Variants in ADAMTS6 observed in about 807,000 individuals in gnomAD.
ADAMTS6 encodes the protein ADAM metallopeptidase with thrombospondin type 1 motif 6, also known as A disintegrin and metalloproteinase with thrombospondin motifs 6.
In ADAMTS6, 23 loss-of-function variants were observed where a neutral mutation model predicts 144.3. The ratio of observed to expected loss-of-function variants is 0.16; its 90% CI spans 0.11 to 0.23. ADAMTS6 has a LOEUF of 0.23. Ranked by LOEUF, ADAMTS6 falls within the 10% of genes least tolerant of loss-of-function variation. ADAMTS6 has a pLI of 1.00. For synonymous variants in ADAMTS6, 444 were observed against 457.5 expected (o/e 0.97, Z 0.38); for missense variants, 999 against 1,379.6 (o/e 0.72, Z 4.37).
intron 4 of ADAMTS6, among the ~76,000 whole-genome samples, chr5:65,457,340 T>A (rs1412622962): frequency 2.0e-5 from 3 of 152,196 alleles, no homozygotes; most frequent in Non-Finnish European, 4.4e-5. Flanking sequence ...TTTGGGGTAG[T>A]AGAAATGGCA....
intron 7 of ADAMTS6, among the ~76,000 whole-genome samples, chr5:65,442,719 G>C (rs1757959027): frequency 1.3e-5 from 2 of 152,048 alleles, no homozygotes; most frequent in Admixed American, 1.3e-4. Context: ...GGATGTGCAG[G>C]TTTGTTACAT....
At chr5:65,212,415 TTCTC>T (rs1232563178) in intron 20 of ADAMTS6, among the ~76,000 whole-genome samples, 5 of 142,194 alleles carry the variant, frequency 3.5e-5, no homozygotes, top group African/African-American at 1.0e-4. Context: ...CCAGAGGCTT[TTCTC>T]TCTCTTTTTT....
intron 1 of ADAMTS6, among the ~76,000 whole-genome samples, chr5:65,478,500 A>G (rs557311318): frequency 4.6e-5 from 7 of 152,362 alleles, no homozygotes; most frequent in East Asian, 1.9e-4. Flanking sequence ...ATTGATGTCT[A>G]TCTCACAAAG....
At chr5:65,378,838 A>T (rs1183729343) in intron 7 of ADAMTS6, among the ~76,000 whole-genome samples, 3 of 152,202 alleles carry the variant, frequency 2.0e-5, no homozygotes, top group African/African-American at 7.2e-5. Flanking sequence ...AGACAAAGTC[A>T]TTCTCTGTGC....
chr5:65,291,306 A>T (rs1742280131), intron 11 of ADAMTS6, 23 bp downstream of exon 11: 1 of 1,598,266 alleles, frequency 6.3e-7, no homozygotes. Context: ...AAATGACGAA[A>T]CATAAGGATG....
At chr5:65,462,998 C>G (rs1043178799) in intron 3 of ADAMTS6, among the ~76,000 whole-genome samples, 1 of 151,104 alleles carries the variant, frequency 6.6e-6, no homozygotes, top group Non-Finnish European at 1.5e-5. Context: ...GAGAATCACT[C>G]GAACCTGGGA....
intron 22 of ADAMTS6, among the ~76,000 whole-genome samples, chr5:65,186,525 A>G (rs995461982): frequency 6.6e-6 from 1 of 152,196 alleles, no homozygotes; most frequent in African/African-American, 2.4e-5. Context: ...TGATTTTCCC[A>G]TAACAAATTT....
chr5:65,475,223 A>G (rs891555301), intron 1 of ADAMTS6, among the ~76,000 whole-genome samples: 3 of 152,182 alleles, frequency 2.0e-5, no homozygotes, highest in African/African-American at 7.2e-5. Context: ...ACTTATGTGA[A>G]ACACTTCATT....
At chr5:65,181,791 G>A (rs1483825726) in intron 22 of ADAMTS6, among the ~76,000 whole-genome samples, 3 of 152,174 alleles carry the variant, frequency 2.0e-5, no homozygotes, top group Non-Finnish European at 4.4e-5. Context: ...AAACATATAG[G>A]ATGTATACGG....
At chr5:65,302,524 C>T (rs1404013591) in intron 9 of ADAMTS6, among the ~76,000 whole-genome samples, 3 of 151,574 alleles carry the variant, frequency 2.0e-5, no homozygotes. Flanking sequence ...ATTAAAACAT[C>T]AAATAACCTT....
chr5:65,436,870 A>C (rs1022832362), intron 7 of ADAMTS6, among the ~76,000 whole-genome samples: 1 of 151,952 alleles, frequency 6.6e-6, no homozygotes, highest in Non-Finnish European at 1.5e-5. Context: ...AAAAAAAAAA[A>C]AACTTTCAAA....
chr5:65,188,819 T>C (rs1304625606), intron 21 of ADAMTS6, among the ~76,000 whole-genome samples: 1 of 152,238 alleles, frequency 6.6e-6, no homozygotes, highest in African/African-American at 2.4e-5. Flanking sequence ...CAAGAAATAG[T>C]AGGTATTTTT....
chr5:65,304,711 G>A (rs188034189), intron 9 of ADAMTS6, among the ~76,000 whole-genome samples: 26 of 152,132 alleles, frequency 1.7e-4, no homozygotes, highest in Admixed American at 3.9e-4. Flanking sequence ...AATTGCAGGC[G>A]TGAGCCCCCA....
chr5:65,437,759 C>T (rs971643189), intron 7 of ADAMTS6, among the ~76,000 whole-genome samples: 2 of 152,006 alleles, frequency 1.3e-5, no homozygotes, highest in African/African-American at 4.8e-5. Context: ...CCTATAATAC[C>T]TAGTATAGTG....
At chr5:65,284,006 T>C (rs1166914107) in intron 11 of ADAMTS6, among the ~76,000 whole-genome samples, 4 of 152,114 alleles carry the variant, frequency 2.6e-5, no homozygotes, top group African/African-American at 9.7e-5. Context: ...TTCTCAGTAT[T>C]TCCCTGCTAT....
chr5:65,415,385 C>T (rs1050683639), intron 7 of ADAMTS6: 6 of 160,504 alleles, frequency 3.7e-5, no homozygotes, highest in Admixed American at 6.5e-5. Context: ...GGGTGCATCC[C>T]GGGGGCCCAG....
intron 7 of ADAMTS6, among the ~76,000 whole-genome samples, chr5:65,342,737 C>T (rs917283166): frequency 5.3e-5 from 8 of 152,010 alleles, no homozygotes; most frequent in African/African-American, 1.9e-4. Flanking sequence ...TGAAGAGCAT[C>T]CAAATTGGAA....
intron 4 of ADAMTS6, among the ~76,000 whole-genome samples, chr5:65,456,043 C>T (rs979412537): frequency 1.3e-5 from 2 of 151,016 alleles, no homozygotes; most frequent in Non-Finnish European, 3.0e-5. Context: ...ATATTTTATA[C>T]ATATACACAT....
intron 12 of ADAMTS6, among the ~76,000 whole-genome samples, chr5:65,264,323 C>A (rs2112610910): frequency 6.6e-6 from 1 of 152,272 alleles, no homozygotes; most frequent in East Asian, 1.9e-4. Flanking sequence ...CAGATTACTC[C>A]AGACACATTG....
Sources: allele counts gnomAD v4.1 joint callset (sites outside exome capture counted in the v4.1 genomes callset), GRCh38; gene constraint gnomAD v4.1.1; transcripts MANE v1.5; gene names NCBI Gene and HGNC (gene_info 2026-07-23, HGNC 2026-07-21).